MEGF11: variants seen among roughly 807,000 people sequenced by gnomAD.
The protein encoded by MEGF11 is multiple EGF like domains 11.
MEGF11 carries 126 observed loss-of-function variants against 146.6 expected under a neutral mutation model. That is an observed-to-expected ratio of 0.86 (90% CI 0.74 to 1.00). The LOEUF (loss-of-function observed/expected upper bound fraction) is 1.00, where lower values mean the gene tolerates loss of function less well. Among genes scored for constraint, MEGF11 ranks in the 50% least tolerant of loss-of-function variants. The pLI is 0.00. For missense variants in MEGF11, 1,509 were observed against 1,521.2 expected (o/e 0.99, Z 0.13); for synonymous variants, 532 against 583.4 (o/e 0.91, Z 1.27).
chr15:66,196,750 G>T (rs937464875), intron 1 of MEGF11, among the ~76,000 whole-genome samples: 1 of 152,188 alleles, frequency 6.6e-6, no homozygotes, highest in African/African-American at 2.4e-5. Flanking sequence ...GTGTATCATG[G>T]CTCAAAGTGG....
chr15:65,928,120 G>A (rs572239378), intron 13 of MEGF11, among the ~76,000 whole-genome samples: 45 of 152,284 alleles, frequency 3.0e-4, no homozygotes, highest in African/African-American at 1.1e-3. Context: ...GGACTAAGGA[G>A]AAAGGCCCTT....
Position 66,188,100 on chromosome 15 carries a change from C to T in MEGF11, c.-8-59689G>A, listed in dbSNP as rs1372994727. ...GGACATCGAGCAGCATCCCTGGCCT[C>T]TATGCACTAATGTAGTAACACCCCC... On this transcript the variant is annotated intron_variant, in intron 1 of 25. Coordinates refer to ENST00000395614, the MANE Select transcript of MEGF11 (RefSeq NM_001385028.1). Among the ~76,000 whole-genome samples the T allele has an allele frequency of 3.3e-5, 5 of 151,344 alleles. No individual in the cohort carries two copies. The East Asian group carries it at 9.7e-4, about 29-fold the overall frequency.
At chr15:66,038,678 C>T (rs758057017) in intron 5 of MEGF11, among the ~76,000 whole-genome samples, 3 of 152,126 alleles carry the variant, frequency 2.0e-5, no homozygotes, top group Non-Finnish European at 4.4e-5. Context: ...CTACTAGCAG[C>T]CCAAGGTCAC....
intron 1 of MEGF11, among the ~76,000 whole-genome samples, chr15:66,240,704 A>G (rs1255412778): frequency 1.3e-5 from 2 of 152,244 alleles, no homozygotes; most frequent in Non-Finnish European, 2.9e-5. Flanking sequence ...CAGGTTAGGT[A>G]GCTGGTCAGA....
intron 9 of MEGF11, among the ~76,000 whole-genome samples, chr15:65,963,672 G>A (rs369274205): frequency 1.2e-4 from 18 of 152,288 alleles, no homozygotes; most frequent in African/African-American, 4.1e-4. Flanking sequence ...ATGAATGACC[G>A]AGTGAATGAA....
At chr15:66,044,134 T>C (rs185630185) in intron 5 of MEGF11, among the ~76,000 whole-genome samples, 3 of 152,250 alleles carry the variant, frequency 2.0e-5, no homozygotes, top group Admixed American at 6.5e-5. Flanking sequence ...GGGGAGCTTG[T>C]ACAAAGCAAT....
chr15:66,105,171 A>T (rs574418436), intron 4 of MEGF11, among the ~76,000 whole-genome samples: 1 of 152,170 alleles, frequency 6.6e-6, no homozygotes, highest in Non-Finnish European at 1.5e-5. Flanking sequence ...GATTAGGAAA[A>T]ACAAGGGCGG....
intron 1 of MEGF11, among the ~76,000 whole-genome samples, chr15:66,171,645 G>T (rs1051751204): frequency 6.6e-6 from 1 of 151,864 alleles, no homozygotes; most frequent in Non-Finnish European, 1.5e-5. Flanking sequence ...ACCACATGGG[G>T]ACTCCTCCCA....
At chr15:66,245,358 T>C (rs1299758210) in intron 1 of MEGF11, among the ~76,000 whole-genome samples, 7 of 151,914 alleles carry the variant, frequency 4.6e-5, no homozygotes, top group Admixed American at 4.6e-4. Context: ...CCAGGCACAG[T>C]GGCGCACTCC....
intron 6 of MEGF11, among the ~76,000 whole-genome samples, chr15:65,981,261 CA>C (rs979859740): frequency 6.6e-6 from 1 of 152,200 alleles, no homozygotes; most frequent in African/African-American, 2.4e-5. Flanking sequence ...AGGCCAAAGT[CA>C]TTGCATTAAT....
intron 5 of MEGF11, among the ~76,000 whole-genome samples, chr15:66,051,539 C>G (rs2084445310): frequency 6.6e-6 from 1 of 152,236 alleles, no homozygotes; most frequent in Admixed American, 6.5e-5. Context: ...CAAGTCAGCT[C>G]TCTCTCAAAG....
chr15:66,113,867 C>A (rs987251308), intron 4 of MEGF11, among the ~76,000 whole-genome samples: 1 of 150,294 alleles, frequency 6.7e-6, no homozygotes, highest in East Asian at 1.9e-4. Flanking sequence ...GGCGACAGAG[C>A]GAAACTCTGT....
At chr15:65,970,872 G>A (rs2081279642) in intron 7 of MEGF11, 183 bp from the exon 8 acceptor site, 1 of 634,456 alleles carries the variant, frequency 1.6e-6, no homozygotes, top group Admixed American at 2.9e-5. Context: ...AGGCCAACTT[G>A]CTCATCCAGT....
intron 10 of MEGF11, among the ~76,000 whole-genome samples, chr15:65,951,687 A>AAAAC (rs373886919): frequency 0.13 from 19,344 of 149,772 alleles, 1,887 homozygotes; most frequent in East Asian, 0.59. Context: ...AGTCCATCTC[A>AAAAC]AAACAAACAA....
intron 4 of MEGF11, among the ~76,000 whole-genome samples, chr15:66,112,596 T>C (rs1459881348): frequency 1.3e-5 from 2 of 152,200 alleles, no homozygotes; most frequent in Non-Finnish European, 2.9e-5. Context: ...CCAGAATTGA[T>C]GAAGGACATG....
chr15:66,140,886 GC>G (rs1310612206), intron 1 of MEGF11, among the ~76,000 whole-genome samples: 2 of 152,148 alleles, frequency 1.3e-5, no homozygotes, highest in Non-Finnish European at 2.9e-5. Flanking sequence ...TCGGGGACTT[GC>G]GAGCCCTTAC....
intron 12 of MEGF11, among the ~76,000 whole-genome samples, chr15:65,928,740 C>T (rs2079464372): frequency 6.6e-6 from 1 of 151,814 alleles, no homozygotes; most frequent in Admixed American, 6.6e-5. Flanking sequence ...GATAACACAG[C>T]CATGAAGACA....
At chr15:65,955,648 G>A (rs1455741545) in intron 10 of MEGF11, among the ~76,000 whole-genome samples, 5 of 142,978 alleles carry the variant, frequency 3.5e-5, no homozygotes, top group African/African-American at 1.3e-4. Context: ...GGAGGCTGAG[G>A]CACGAGAATT....
intron 1 of MEGF11, among the ~76,000 whole-genome samples, chr15:66,129,334 C>T (rs74021628): frequency 6.6e-6 from 1 of 152,210 alleles, no homozygotes; most frequent in Non-Finnish European, 1.5e-5. Flanking sequence ...GGTCGCTGAC[C>T]TTGAGGGGTG....
Sources: gnomAD v4.1 joint callset for allele counts (sites outside exome capture counted in the v4.1 genomes callset) on GRCh38, gnomAD v4.1.1 for gene constraint, MANE v1.5 for transcripts, NCBI Gene and HGNC (gene_info 2026-07-23, HGNC 2026-07-21) for gene names.